Variants in SLC24A2 observed in about 807,000 individuals in gnomAD.
SLC24A2 encodes the protein sodium/potassium/calcium exchanger 2.
SLC24A2 carries 36 observed loss-of-function variants against 62.0 expected under a neutral mutation model. The ratio of observed to expected loss-of-function variants is 0.58; its 90% CI spans 0.44 to 0.77. The LOEUF (loss-of-function observed/expected upper bound fraction) is 0.77. Ranked by LOEUF, SLC24A2 falls within the 30% of genes least tolerant of loss-of-function variation. The probability of loss-of-function intolerance (pLI) is 0.00; values close to 1 mark genes in which losing one functional copy is unlikely to be tolerated. For missense variants in SLC24A2, 846 were observed against 817.9 expected (o/e 1.03, Z -0.42); for synonymous variants, 358 against 294.0 (o/e 1.22, Z -2.23).
At chr9:19,962,304 T>C in the SLC24A2 span, among the ~76,000 whole-genome samples, 1 of 152,350 alleles carries the variant, frequency 6.6e-6, no homozygotes, top group South Asian at 2.1e-4. Flanking sequence ...GCGTGATGCC[T>C]CCAGCTTTGT....
At chr9:20,062,893 G>A in the SLC24A2 span, among the ~76,000 whole-genome samples, 2 of 118,400 alleles carry the variant, frequency 1.7e-5, 1 homozygote. Context: ...ATGAAAATAT[G>A]CTCACCATCA....
rs531839979 is a variant in SLC24A2 at position 19,633,377 on chromosome 9, A to G, written c.931-11078T>C. Among the ~76,000 whole-genome samples, 13 of 152,212 alleles carry G rather than the reference A, an allele frequency of 8.5e-5. No homozygotes were observed. In the South Asian group the frequency reaches 2.5e-3, roughly 29 times the overall value. On this transcript the variant is annotated intron_variant, in intron 2 of 10. Transcript: ENST00000341998. ...TTTTGTTTTAAAAAACTGCCAAACT[A>G]TTTTCCAGAGTGCTGTACCATTTTA...
chr9:19,940,459 G>C, the SLC24A2 span, among the ~76,000 whole-genome samples: 1 of 150,712 alleles, frequency 6.6e-6, no homozygotes, highest in African/African-American at 2.4e-5. Context: ...TAAATTGTAT[G>C]TTCTTATTGA....
chr9:20,171,124 T>C, the SLC24A2 span, among the ~76,000 whole-genome samples: 158 of 152,064 alleles, frequency 1.0e-3, 2 homozygotes, highest in African/African-American at 3.6e-3. Context: ...AACTAAGCCT[T>C]ATAAATGAAG....
intron 2 of SLC24A2, among the ~76,000 whole-genome samples, chr9:19,646,586 T>C (rs1818643657): frequency 6.6e-6 from 1 of 152,280 alleles, no homozygotes; most frequent in South Asian, 2.1e-4. Flanking sequence ...TTGACAGACA[T>C]ACTGATTCAC....
At chr9:19,894,722 G>A in the SLC24A2 span, among the ~76,000 whole-genome samples, 1 of 152,062 alleles carries the variant, frequency 6.6e-6, no homozygotes, top group Non-Finnish European at 1.5e-5. Flanking sequence ...GAAAAAATGG[G>A]ACAAGGTATA....
chr9:19,896,100 T>C, the SLC24A2 span: 1 of 619,002 alleles, frequency 1.6e-6, no homozygotes, highest in South Asian at 2.2e-5. Flanking sequence ...TGGAGGACTC[T>C]ACTTCCGCCC....
At chr9:20,058,348 TA>T in the SLC24A2 span, among the ~76,000 whole-genome samples, 272 of 152,254 alleles carry the variant, frequency 1.8e-3, no homozygotes, top group Non-Finnish European at 1.5e-3. Context: ...CCCTAATTTA[TA>T]AAATCTCCCT....
chr9:19,916,677 C>T, the SLC24A2 span, among the ~76,000 whole-genome samples: 12 of 151,842 alleles, frequency 7.9e-5, no homozygotes, highest in South Asian at 2.5e-3. Flanking sequence ...TTAAATATTC[C>T]TGGAAAATGT....
the SLC24A2 span, among the ~76,000 whole-genome samples, chr9:19,834,879 G>A: frequency 1.2e-4 from 18 of 152,122 alleles, no homozygotes; most frequent in South Asian, 4.1e-4. Context: ...CGGATCTCTC[G>A]GCAGAAACCC....
chr9:20,211,885 CT>C, the SLC24A2 span, among the ~76,000 whole-genome samples: 15 of 151,732 alleles, frequency 9.9e-5, no homozygotes, highest in Non-Finnish European at 2.1e-4. Context: ...CAATTTTTTA[CT>C]TAAAAAGAAA....
At chr9:20,071,229 A>T in the SLC24A2 span, among the ~76,000 whole-genome samples, 1 of 151,952 alleles carries the variant, frequency 6.6e-6, no homozygotes, top group East Asian at 1.9e-4. Context: ...AGTCTCAGGT[A>T]GTTTTTTTTA....
chr9:19,606,702 T>C (rs1214417877), intron 4 of SLC24A2, among the ~76,000 whole-genome samples: 1 of 152,178 alleles, frequency 6.6e-6, no homozygotes, highest in African/African-American at 2.4e-5. Context: ...CTGTAAACTA[T>C]ATAAGCAACA....
At chr9:19,781,596 T>C (rs1402908277) in intron 2 of SLC24A2, among the ~76,000 whole-genome samples, 1 of 152,160 alleles carries the variant, frequency 6.6e-6, no homozygotes, top group Non-Finnish European at 1.5e-5. Flanking sequence ...TTAGGATAAG[T>C]AGAGGGAAAC....
At chr9:19,523,050 G>A (rs1833274132) in intron 9 of SLC24A2, among the ~76,000 whole-genome samples, 1 of 152,178 alleles carries the variant, frequency 6.6e-6, no homozygotes, top group Non-Finnish European at 1.5e-5. Context: ...TGGGCACAAT[G>A]CCATGCACGG....
chr9:19,572,480 C>A (rs765103688), intron 7 of SLC24A2, among the ~76,000 whole-genome samples: 1 of 152,042 alleles, frequency 6.6e-6, no homozygotes, highest in Non-Finnish European at 1.5e-5. Context: ...TGAGTGGGTT[C>A]TCATGAGATC....
At chr9:19,683,346 C>T (rs563803291) in intron 2 of SLC24A2, among the ~76,000 whole-genome samples, 32 of 152,216 alleles carry the variant, frequency 2.1e-4, no homozygotes, top group African/African-American at 7.0e-4. Flanking sequence ...GAACTATTGC[C>T]TCAGCATAGG....
chr9:19,902,880 A>T, the SLC24A2 span, among the ~76,000 whole-genome samples: 1 of 152,204 alleles, frequency 6.6e-6, no homozygotes, highest in African/African-American at 2.4e-5. Context: ...ATAGTAAACC[A>T]ATGTAGTTTT....
intron 8 of SLC24A2, among the ~76,000 whole-genome samples, chr9:19,537,023 T>A (rs1176574644): frequency 6.8e-6 from 1 of 147,748 alleles, no homozygotes; most frequent in African/African-American, 2.5e-5. Flanking sequence ...TCTGTTCATG[T>A]CCTTTGCCCA....
Sources: allele counts gnomAD v4.1 joint callset (sites outside exome capture counted in the v4.1 genomes callset), GRCh38; gene constraint gnomAD v4.1.1; transcripts MANE v1.5; gene names NCBI Gene and HGNC (gene_info 2026-07-23, HGNC 2026-07-21).